The following NAV3 variants were observed in gnomAD, a reference collection of about 807,000 sequenced individuals.
The protein encoded by NAV3 is pore membrane and/or filament interacting like protein 1.
In NAV3, 87 loss-of-function variants were observed where a neutral mutation model predicts 244.7. The observed-to-expected ratio is 0.36, with a 90% CI of 0.30 to 0.42. The LOEUF (loss-of-function observed/expected upper bound fraction) is 0.42, where lower values mean the gene tolerates loss of function less well. Ranked by LOEUF, NAV3 falls within the 20% of genes least tolerant of loss-of-function variation. NAV3 has a pLI of 1.00. For missense variants in NAV3, 2,663 were observed against 2,893.3 expected, an observed-to-expected ratio of 0.92 and a Z score of 1.83; for synonymous variants, 1,126 against 1,042.2, an observed-to-expected ratio of 1.08 and a Z score of -1.55.
At chr12:77,585,709 C>T (rs1001627763) in intron 2 of NAV3, among the ~76,000 whole-genome samples, 2 of 152,186 alleles carry the variant, frequency 1.3e-5, no homozygotes, top group Non-Finnish European at 1.5e-5. Context: ...GGCAGTAATG[C>T]TCCTCGCCTG....
intron 12 of NAV3, among the ~76,000 whole-genome samples, chr12:78,102,808 G>T (rs1021802744): frequency 4.9e-4 from 74 of 152,210 alleles, no homozygotes; most frequent in African/African-American, 1.7e-3. Flanking sequence ...ACCACAGGCT[G>T]AGCTATACCT....
intron 9 of NAV3, among the ~76,000 whole-genome samples, chr12:78,049,107 T>A (rs1593388659): frequency 6.6e-6 from 1 of 152,186 alleles, no homozygotes; most frequent in Admixed American, 6.5e-5. Context: ...TTCAGACTGC[T>A]GTGCTGGCAA....
intron 2 of NAV3, among the ~76,000 whole-genome samples, chr12:77,701,683 A>G (rs1875570866): frequency 6.6e-6 from 1 of 151,956 alleles, no homozygotes; most frequent in Admixed American, 6.6e-5. Flanking sequence ...TTGTGTTTTC[A>G]TTATCCTTGA....
intron 2 of NAV3, among the ~76,000 whole-genome samples, chr12:77,762,485 C>T (rs549528414): frequency 4.7e-4 from 71 of 152,118 alleles, no homozygotes; most frequent in African/African-American, 1.7e-3. Flanking sequence ...CACCTGTAGT[C>T]CCAGCTACTC....
chr12:77,640,216 A>T (rs974874831), intron 2 of NAV3, among the ~76,000 whole-genome samples: 1 of 152,146 alleles, frequency 6.6e-6, no homozygotes, highest in African/African-American at 2.4e-5. Flanking sequence ...TGCAGTTAGA[A>T]ATCTAATCAC....
At chr12:77,929,193 T>C (rs1888527763) in intron 1 of NAV3, among the ~76,000 whole-genome samples, 1 of 152,216 alleles carries the variant, frequency 6.6e-6, no homozygotes, top group Admixed American at 6.5e-5. Context: ...TATACCAGGA[T>C]TTTAATATAT....
chr12:77,645,609 G>T (rs1034785003), intron 2 of NAV3, among the ~76,000 whole-genome samples: 4 of 148,096 alleles, frequency 2.7e-5, no homozygotes, highest in African/African-American at 1.0e-4. Context: ...ACAGAAAGCA[G>T]TCCTCCCATC....
intron 2 of NAV3, among the ~76,000 whole-genome samples, chr12:77,609,132 C>T (rs1870798722): frequency 6.6e-6 from 1 of 152,028 alleles, no homozygotes; most frequent in Non-Finnish European, 1.5e-5. Flanking sequence ...TTCTGGTAAT[C>T]CTTTGAGTTT....
chr12:78,032,106 C>T (rs976398877), intron 9 of NAV3, among the ~76,000 whole-genome samples: 2 of 152,128 alleles, frequency 1.3e-5, no homozygotes, highest in Admixed American at 6.5e-5. Context: ...TTCTCCTCTA[C>T]TTTTGAGTTA....
intron 2 of NAV3, among the ~76,000 whole-genome samples, chr12:77,660,277 C>G (rs1051942071): frequency 6.6e-6 from 1 of 152,036 alleles, no homozygotes; most frequent in Non-Finnish European, 1.5e-5. Flanking sequence ...AAATGGAACA[C>G]AAAAATTTTA....
Position 78,179,519 on chromosome 12 carries a change from C to G in NAV3, c.5364-10C>G. ...CCCAGGCCACTGATTCTGTTTGTTT[C>G]CTTCTTCAGGATCTGTGAATGCACA... On this transcript the variant is annotated splice_polypyrimidine_tract_variant and intron_variant, in intron 28 of 39. Transcript: ENST00000397909. 6.2e-7 allele frequency: 1 copy of G among 1,612,896 alleles called. No individual in the cohort carries two copies. The highest frequency in any genetic ancestry group is 8.5e-7 in the Non-Finnish European group (1 of 1,179,314).
chr12:78,180,743 ATTTC>A, intron 29 of NAV3, 124 bp from the exon 30 acceptor site: 2 of 753,114 alleles, frequency 2.7e-6, no homozygotes, highest in Non-Finnish European at 4.2e-6. Context: ...CATATCTTAT[ATTTC>A]TTTATTTAAC....
chr12:77,951,098 C>A lies in NAV3; in HGVS notation c.414+9965C>A, dbSNP rs192225735. Among the ~76,000 whole-genome samples the A allele has an allele frequency of 2.0e-5, 3 of 152,270 alleles. No homozygotes were observed. The East Asian group carries it at 5.8e-4, about 29-fold the overall frequency. ...CTAATTAAACTAAAGAGCTTCTGCA[C>A]AGCAAAAGAAATCTACCATCAGAGT... On this transcript the variant is annotated intron_variant, in intron 3 of 39. Transcript: ENST00000397909.
rs1592651406 is a variant in NAV3 at position 77,755,608 on chromosome 12, TCCC to T, written c.72+183343_72+183345del. ...CTCCCTCCCTCCCTCCCTCCCTCCCTCCCTCCTTCCTTCCTTCCTTCCTTCCTT... is the reference window on the plus strand; with the variant it reads ...CTCCCTCCCTCCCTCCCTCCCTCCCTTCCTTCCTTCCTTCCTTCCTTCCTT... On this transcript the variant is annotated intron_variant, in intron 2 of 8. Transcript: ENST00000550042. 7.8e-5 allele frequency among the ~76,000 whole-genome samples: 5 copies of T among 64,218 alleles called. 1 individual carries two copies. Among genetic ancestry groups the T allele is most frequent in the Non-Finnish European group, 1.2e-4 (4 of 34,352 alleles). 42.1% of individuals were successfully genotyped at this position (64,218 alleles called of 152,430 possible).
chr12:77,963,384 T>C (rs1892202707), intron 3 of NAV3, among the ~76,000 whole-genome samples: 1 of 152,188 alleles, frequency 6.6e-6, no homozygotes, highest in African/African-American at 2.4e-5. Flanking sequence ...TAAATGGCAT[T>C]TAACAAGATA....
At chr12:78,103,173 C>G (rs1430027248) in intron 12 of NAV3, among the ~76,000 whole-genome samples, 1 of 152,202 alleles carries the variant, frequency 6.6e-6, no homozygotes, top group Non-Finnish European at 1.5e-5. Context: ...CCCGTCACCT[C>G]TTGAATGCTT....
chr12:77,599,298 T>C (rs1349897985), intron 2 of NAV3, among the ~76,000 whole-genome samples: 1 of 152,042 alleles, frequency 6.6e-6, no homozygotes, highest in Non-Finnish European at 1.5e-5. Context: ...TCTTGAATTA[T>C]TCAATTGTAT....
chr12:78,140,823 G>GT (rs200316820), intron 20 of NAV3, among the ~76,000 whole-genome samples: 889 of 67,594 alleles, frequency 0.013, 23 homozygotes, highest in Admixed American at 0.12. Flanking sequence ...AACCAGAGAT[G>GT]TTTTTTTTTA....
chr12:78,081,435 C>T (rs1314996503), intron 12 of NAV3, among the ~76,000 whole-genome samples: 2 of 152,110 alleles, frequency 1.3e-5, no homozygotes, highest in East Asian at 1.9e-4. Context: ...GGATTGCAAC[C>T]CTTTATAGCA....
Sources: gnomAD v4.1 joint callset for allele counts (sites outside exome capture counted in the v4.1 genomes callset) on GRCh38, gnomAD v4.1.1 for gene constraint, MANE v1.5 for transcripts, NCBI Gene and HGNC (gene_info 2026-07-23, HGNC 2026-07-21) for gene names.